The following PACS2 variants were observed in gnomAD, a reference collection of about 807,000 sequenced individuals.
The protein encoded by PACS2 is phosphofurin acidic cluster sorting protein 2, also known as PACS1-like protein.
A neutral mutation model predicts 113.0 loss-of-function variants in PACS2; 36 were observed. The ratio of observed to expected loss-of-function variants is 0.32; its 90% confidence interval spans 0.24 to 0.42. The LOEUF is 0.42. PACS2 is among the 10% of genes least tolerant of loss of function. The pLI is 1.00. For missense variants in PACS2, 1,015 were observed against 1,239.5 expected, an observed-to-expected ratio of 0.82 and a Z score of 2.72; for synonymous variants, 589 against 536.1, an observed-to-expected ratio of 1.10 and a Z score of -1.36.
rs1240416814 is a variant in PACS2 at position 105,358,017 on chromosome 14, G to A, written c.423+2840G>A. ...CCAGGCTGTGGGGAGACCAGGAGGCGATGGCTGTGGGGACACAGGTGTCAT... is the reference window on the plus strand; with the variant it reads ...CCAGGCTGTGGGGAGACCAGGAGGCAATGGCTGTGGGGACACAGGTGTCAT... On this transcript the variant is annotated intron_variant, in intron 4 of 24. Transcript: ENST00000447393. This position sits in a 1 kb window ranked among gnomAD's most constrained non-coding sequence, Gnocchi z 4.9. Among the ~76,000 whole-genome samples the A allele has an allele frequency of 6.6e-6, 1 of 152,318 alleles. No individual in the cohort carries two copies. Among genetic ancestry groups the A allele is most frequent in the Non-Finnish European group, 1.5e-5 (1 of 68,010 alleles).
At chr14:105,390,757 CAA>C in intron 20 of PACS2, 1 of 205,648 alleles carries the variant, frequency 4.9e-6, no homozygotes, top group South Asian at 8.8e-5. Flanking sequence ...TCTCCGGTGA[CAA>C]GAGTACACTG....
At chr14:105,378,605 C>T (rs1555411088) in intron 9 of PACS2, among the ~76,000 whole-genome samples, 1 of 152,244 alleles carries the variant, frequency 6.6e-6, no homozygotes, top group Non-Finnish European at 1.5e-5. Context: ...GACAGGGTCT[C>T]CCTATGTTTC....
chr14:105,317,816 G>C lies in PACS2; in HGVS notation c.119+2779G>C, dbSNP rs1368823880. Among the ~76,000 whole-genome samples, 2 of 152,030 alleles carry C rather than the reference G, an allele frequency of 1.3e-5. No homozygotes were observed. The highest frequency in any genetic ancestry group is 4.2e-4 in the South Asian group (2 of 4,816). Reference sequence around the variant, plus strand: ...CAGGCTGGGGTGCTGGTCTCGTTTCGGTTCTCCTTCTGGGAGGCAGCCGGA... The same window carrying C: ...CAGGCTGGGGTGCTGGTCTCGTTTCCGTTCTCCTTCTGGGAGGCAGCCGGA... On this transcript the variant is annotated intron_variant, in intron 1 of 24. Coordinates refer to ENST00000447393, the MANE Select transcript of PACS2 (RefSeq NM_001100913.3). This position sits in a 1 kb window ranked among gnomAD's most constrained non-coding sequence, Gnocchi z 4.2.
rs587689465 is a variant in PACS2, at chr14:105,354,619, G to A, written c.298-433G>A. Among the ~76,000 whole-genome samples the A allele has an allele frequency of 4.6e-5, 7 of 152,334 alleles. No homozygotes were observed. The highest frequency in any genetic ancestry group is 1.4e-4 in the African/African-American group (6 of 41,580). On this transcript the variant is annotated intron_variant, in intron 3 of 24. Transcript: ENST00000447393. This position sits in a 1 kb window ranked among gnomAD's most constrained non-coding sequence, Gnocchi z 4.2. ...ACGTGCAGGCGAGTTGGGTGAACAG[G>A]GGGCCTCGGAGGGAGAGCCCTCCCC...
intron 1 of PACS2, among the ~76,000 whole-genome samples, chr14:105,335,941 C>T (rs1380582485): frequency 1.3e-5 from 2 of 152,200 alleles, no homozygotes; most frequent in Non-Finnish European, 2.9e-5. Flanking sequence ...GGCCCAGCTA[C>T]GAGGATGGCT....
intron 7 of PACS2, among the ~76,000 whole-genome samples, chr14:105,369,520 G>T (rs1325673131): frequency 6.6e-6 from 1 of 152,228 alleles, no homozygotes; most frequent in Admixed American, 6.5e-5. Context: ...CTTCCTTCTG[G>T]GGTCGGCCAG....
intron 8 of PACS2, among the ~76,000 whole-genome samples, chr14:105,373,658 T>C (rs1555409794): frequency 6.6e-6 from 1 of 151,954 alleles, no homozygotes; most frequent in Non-Finnish European, 1.5e-5. Context: ...CATGGTGGTA[T>C]GCACCTGTAA....
chr14:105,379,986 C>CG, intron 10 of PACS2, 94 bp from the exon 11 acceptor site: 2 of 1,338,524 alleles, frequency 1.5e-6, no homozygotes, highest in Non-Finnish European at 2.1e-6. Context: ...GCAGGTACCC[C>CG]GGGCCTCCCT....
At position 105,394,648 on chromosome 14, in the gene PACS2, C is replaced by T. The variant is rs149437508; in HGVS notation, c.2691C>T (p.Phe897=). ...TGAAGCACTTCCCCATCTGCATCTTCGGACACTCCAAGGCCACCTTCTAGC... is the reference window on the plus strand; with the variant it reads ...TGAAGCACTTCCCCATCTGCATCTTTGGACACTCCAAGGCCACCTTCTAGC... ...SHVKHFPICI[F]GHSKATF The change falls in exon 25 of 25, where the codon TTC becomes TTT. Residue 897 remains phenylalanine (F), a synonymous_variant. Coordinates refer to ENST00000447393, the MANE Select transcript of PACS2 (RefSeq NM_001100913.3). The T allele has an allele frequency of 3.7e-3, 6,020 of 1,613,048 alleles. 20 individuals are homozygous for T. Among genetic ancestry groups the T allele is most frequent in the Non-Finnish European group, 4.2e-3 (4,998 of 1,179,616 alleles).
chr14:105,346,495 C>G (rs2059925568), intron 1 of PACS2, among the ~76,000 whole-genome samples: 1 of 140,506 alleles, frequency 7.1e-6, no homozygotes, highest in Non-Finnish European at 1.6e-5. Flanking sequence ...ATCCCCCCCA[C>G]CGCCTGCACG....
At chr14:105,353,458 C>T (rs2060313991) in intron 3 of PACS2, among the ~76,000 whole-genome samples, 1 of 152,004 alleles carries the variant, frequency 6.6e-6, no homozygotes, top group African/African-American at 2.4e-5. Context: ...TCACTGTCCC[C>T]TGGGGTGAGA....
chr14:105,328,648 T>C (rs1407914740), intron 1 of PACS2, among the ~76,000 whole-genome samples: 1 of 152,068 alleles, frequency 6.6e-6, no homozygotes, highest in Non-Finnish European at 1.5e-5. Flanking sequence ...GCAGCCCGAG[T>C]CTTGGCGCGT....
At chr14:105,392,442 G>A (rs997476568) in intron 22 of PACS2, 177 bp from the exon 23 acceptor site, 2 of 610,350 alleles carry the variant, frequency 3.3e-6, no homozygotes. Context: ...GGACCCTTGT[G>A]GGGGTGACTG....
At chr14:105,391,512 T>TACCCCCCC in intron 21 of PACS2, 119 bp from the exon 22 acceptor site, 6 of 611,322 alleles carry the variant, frequency 9.8e-6, no homozygotes, top group East Asian at 2.9e-5. Context: ...CACTGGGGAC[T>TACCCCCCC]CCCACCCTGC....
upstream of PACS2, among the ~76,000 whole-genome samples, chr14:105,312,331 TTAAA>T (rs1566888549): frequency 6.6e-6 from 1 of 152,226 alleles, no homozygotes; most frequent in Non-Finnish European, 1.5e-5. Flanking sequence ...CTTTAACTTC[TTAAA>T]TAATAATAAC....
At chr14:105,359,092 C>A (rs2060569535) in intron 4 of PACS2, among the ~76,000 whole-genome samples, 1 of 152,154 alleles carries the variant, frequency 6.6e-6, no homozygotes, top group Non-Finnish European at 1.5e-5. Flanking sequence ...TCCATCCCTA[C>A]ACGGCGGTGC....
intron 1 of PACS2, among the ~76,000 whole-genome samples, chr14:105,336,224 G>A (rs587765980): frequency 6.4e-4 from 98 of 152,326 alleles, no homozygotes; most frequent in African/African-American, 2.4e-3. Context: ...CTCTGTGCGC[G>A]CCCCCACCCC....
chr14:105,387,303 G>T (rs587688507), intron 19 of PACS2, among the ~76,000 whole-genome samples: 1 of 152,214 alleles, frequency 6.6e-6, no homozygotes, highest in African/African-American at 2.4e-5. Flanking sequence ...CTGCTGGCCC[G>T]CCCTCCTCTG....
chr14:105,306,744 T>G (rs2058200590), intron 1 of PACS2, among the ~76,000 whole-genome samples: 1 of 152,164 alleles, frequency 6.6e-6, no homozygotes, highest in African/African-American at 2.4e-5. Flanking sequence ...TAGCTAGGAT[T>G]ACAGGCACCT....
Sources: allele counts gnomAD v4.1 joint callset (sites outside exome capture counted in the v4.1 genomes callset), GRCh38; gene constraint gnomAD v4.1.1; non-coding constraint Gnocchi (gnomAD v3.1); transcripts MANE v1.5; gene names NCBI Gene and HGNC (gene_info 2026-07-23, HGNC 2026-07-21).